Variants in GALNT13 observed in about 807,000 individuals in gnomAD.
GALNT13 encodes the protein polypeptide N-acetylgalactosaminyltransferase 13.
A neutral mutation model predicts 64.2 loss-of-function variants in GALNT13; 28 were observed. The ratio of observed to expected loss-of-function variants is 0.44; its 90% CI spans 0.32 to 0.60. GALNT13 has a LOEUF of 0.60. GALNT13 is among the 20% of genes least tolerant of loss of function. GALNT13 has a pLI of 0.05. For synonymous variants in GALNT13, 214 were observed against 224.6 expected, an observed-to-expected ratio of 0.95 and a Z score of 0.42; for missense variants, 577 against 669.8, an observed-to-expected ratio of 0.86 and a Z score of 1.53.
At chr2:153,336,449 G>T in the GALNT13 span, among the ~76,000 whole-genome samples, 1 of 152,150 alleles carries the variant, frequency 6.6e-6, no homozygotes, top group Non-Finnish European at 1.5e-5. Context: ...GTGAGACCTG[G>T]AGTTGAATGA....
chr2:153,980,213 A>G (rs1174995047), intron 3 of GALNT13, among the ~76,000 whole-genome samples: 1 of 152,194 alleles, frequency 6.6e-6, no homozygotes, highest in African/African-American at 2.4e-5. Context: ...ATTGTAGACA[A>G]TATTAAGAGT....
At chr2:153,259,272 A>G in the GALNT13 span, among the ~76,000 whole-genome samples, 1 of 150,140 alleles carries the variant, frequency 6.7e-6, no homozygotes, top group East Asian at 1.9e-4. Context: ...CCATTGTCAT[A>G]AAATATCTCT....
rs996800101 is a variant in GALNT13, at chr2:153,957,866, T to C, written c.142+13227T>C. 2.0e-5 allele frequency among the ~76,000 whole-genome samples: 3 copies of C among 152,192 alleles called. No homozygotes were observed. In the South Asian group the frequency reaches 6.2e-4, roughly 31 times the overall value. The stretch of plus-strand genomic sequence containing the variant: ...TGCTTTTTTCCCACAGCAGAGCAAG[T>C]AGATTATTTGTAAGTCATGATGAGT... On this transcript the variant is annotated intron_variant, in intron 3 of 12. Transcript: ENST00000392825.
the GALNT13 span, among the ~76,000 whole-genome samples, chr2:153,611,967 C>T: frequency 2.0e-5 from 3 of 151,734 alleles, no homozygotes; most frequent in African/African-American, 4.8e-5. Flanking sequence ...TTTGGTTTTC[C>T]GTTCCTGTGT....
chr2:153,531,694 G>A, the GALNT13 span, among the ~76,000 whole-genome samples: 5 of 152,212 alleles, frequency 3.3e-5, no homozygotes, highest in East Asian at 7.7e-4. Context: ...CTATGAGCCT[G>A]TAAAATAATA....
chr2:153,799,017 A>G, the GALNT13 span, among the ~76,000 whole-genome samples: 53 of 152,232 alleles, frequency 3.5e-4, no homozygotes, highest in African/African-American at 1.2e-3. Context: ...ACTAGTTCTA[A>G]TAGGTTCTAA....
At chr2:153,566,499 C>T in the GALNT13 span, among the ~76,000 whole-genome samples, 4 of 151,822 alleles carry the variant, frequency 2.6e-5, no homozygotes, top group East Asian at 1.9e-4. Flanking sequence ...GGACTACAGG[C>T]GCCTGCCACC....
At chr2:153,538,326 C>CTTTTTTTTTTTTTTTATT in the GALNT13 span, among the ~76,000 whole-genome samples, 1 of 100,846 alleles carries the variant, frequency 9.9e-6, no homozygotes, top group Non-Finnish European at 2.2e-5. Context: ...TTTTTTAATT[C>CTTTTTTTTTTTTTTTATT]TTTTTTTTTT....
chr2:154,303,414 C>T (rs961265266), intron 9 of GALNT13, among the ~76,000 whole-genome samples: 1 of 152,088 alleles, frequency 6.6e-6, no homozygotes, highest in African/African-American at 2.4e-5. Context: ...ATCTTGTCTG[C>T]TCCTTACTGT....
intron 3 of GALNT13, among the ~76,000 whole-genome samples, chr2:154,051,049 G>A (rs1699576870): frequency 1.3e-5 from 2 of 152,062 alleles, no homozygotes; most frequent in African/African-American, 4.8e-5. Flanking sequence ...TGTGTCAGAC[G>A]GAGAGATAGT....
chr2:153,220,955 A>C, the GALNT13 span, among the ~76,000 whole-genome samples: 10 of 152,206 alleles, frequency 6.6e-5, no homozygotes, highest in Admixed American at 1.3e-4. Context: ...GGACACATAG[A>C]GGGAAACATC....
chr2:153,388,745 A>T, the GALNT13 span, among the ~76,000 whole-genome samples: 36 of 152,220 alleles, frequency 2.4e-4, no homozygotes, highest in South Asian at 3.1e-3. Flanking sequence ...TTGCAAAGCC[A>T]GGAGTACAAT....
the GALNT13 span, among the ~76,000 whole-genome samples, chr2:153,261,859 A>G: frequency 6.6e-6 from 1 of 152,138 alleles, no homozygotes; most frequent in Non-Finnish European, 1.5e-5. Context: ...GTTCACAGCA[A>G]CTATTGCCTG....
intron 11 of GALNT13, among the ~76,000 whole-genome samples, chr2:154,433,435 T>C (rs896685639): frequency 6.6e-6 from 1 of 152,052 alleles, no homozygotes; most frequent in Non-Finnish European, 1.5e-5. Context: ...GAAGGAGTTA[T>C]ACAAACCAGT....
rs371938618 is a variant in GALNT13, at chr2:153,874,432, C to T, written c.-177+2129C>T. ...ACTTGCTTAAGTAGGGGCACTGTGTCTCGGATCCGCTTTGGAGAGGAAGAA... is the reference window on the plus strand; with the variant it reads ...ACTTGCTTAAGTAGGGGCACTGTGTTTCGGATCCGCTTTGGAGAGGAAGAA... On this transcript the variant is annotated intron_variant, in intron 1 of 12. Coordinates refer to ENST00000392825, the MANE Select transcript of GALNT13 (RefSeq NM_052917.4). 9.2e-5 allele frequency among the ~76,000 whole-genome samples: 14 copies of T among 152,014 alleles called. 1 individual carries two copies. In the East Asian group the frequency reaches 2.1e-3, roughly 23 times the overall value.
chr2:153,481,426 G>A, the GALNT13 span, among the ~76,000 whole-genome samples: 1 of 152,158 alleles, frequency 6.6e-6, no homozygotes, highest in East Asian at 1.9e-4. Flanking sequence ...TCTCACAAGT[G>A]TGAAAAAAGA....
intron 9 of GALNT13, among the ~76,000 whole-genome samples, chr2:154,378,750 T>C (rs2105327290): frequency 6.6e-6 from 1 of 152,256 alleles, no homozygotes; most frequent in Middle Eastern, 3.4e-3. Context: ...TAACCCTGAT[T>C]TGATCATTAT....
At chr2:154,297,209 A>G (rs971309892) in intron 8 of GALNT13, among the ~76,000 whole-genome samples, 5 of 152,276 alleles carry the variant, frequency 3.3e-5, no homozygotes, top group African/African-American at 1.2e-4. Context: ...TTTTTAAAAG[A>G]CCACTTTGAT....
the GALNT13 span, among the ~76,000 whole-genome samples, chr2:153,832,794 AT>A: frequency 2.6e-5 from 4 of 152,164 alleles, no homozygotes; most frequent in Non-Finnish European, 5.9e-5. Flanking sequence ...GTCAGTAAAT[AT>A]TTTAGGCTCT....
Sources: gnomAD v4.1 joint callset for allele counts (sites outside exome capture counted in the v4.1 genomes callset) on GRCh38, gnomAD v4.1.1 for gene constraint, MANE v1.5 for transcripts, NCBI Gene and HGNC (gene_info 2026-07-23, HGNC 2026-07-21) for gene names.